Variants in PDE2A observed in about 807,000 individuals in gnomAD.
PDE2A encodes the protein phosphodiesterase 2A.
Under a neutral mutation model 133.6 loss-of-function variants are expected in PDE2A, and 53 were observed. The observed-to-expected ratio is 0.40, with a 90% CI of 0.32 to 0.50. PDE2A has a LOEUF of 0.50. Ranked by LOEUF, PDE2A falls within the 20% of genes least tolerant of loss-of-function variation. The probability of loss-of-function intolerance (pLI) is 0.73; values close to 1 mark genes in which losing one functional copy is unlikely to be tolerated. For missense variants in PDE2A, 796 were observed against 1,232.4 expected, an observed-to-expected ratio of 0.65 and a Z score of 5.30; for synonymous variants, 491 against 490.2, an observed-to-expected ratio of 1.00 and a Z score of -0.02.
intron 1 of PDE2A, among the ~76,000 whole-genome samples, chr11:72,665,458 T>A (rs767949563): frequency 5.9e-5 from 9 of 151,630 alleles, no homozygotes; most frequent in Non-Finnish European, 1.0e-4. Context: ...TCCCTTCAGT[T>A]CTCCAGGGAA....
In PDE2A at chr11:72,577,393, A is replaced by T. The variant is rs142967171; in HGVS notation, c.2817T>A (p.Asp939Glu). Reference protein sequence around the residue: ...RAPINGCCSLDAE With the variant: ...RAPINGCCSLEAE ...GTGTCCCTGGAGGGGATCACTCAGCATCAAGGCTGCAGCAGCCATTGATGG... is the reference window on the plus strand; with the variant it reads ...GTGTCCCTGGAGGGGATCACTCAGCTTCAAGGCTGCAGCAGCCATTGATGG... Residue 939 changes from aspartate (D) to glutamate (E), a missense_variant, in exon 31 of 31, where the codon GAT (aspartate) becomes GAA (glutamate). Asp to Glu is a conservative substitution (Grantham distance 45). Transcript: ENST00000334456. 2,322 of 1,612,562 alleles carry T rather than the reference A, an allele frequency of 1.4e-3. 53 individuals carry two copies. In the Admixed American group the frequency reaches 0.035, roughly 24 times the overall value.
At chr11:72,634,476 C>T (rs1858582358) in intron 2 of PDE2A, among the ~76,000 whole-genome samples, 1 of 152,198 alleles carries the variant, frequency 6.6e-6, no homozygotes, top group African/African-American at 2.4e-5. Context: ...ATTTCAGGCC[C>T]CGTTGTGCTG....
chr11:72,593,099 C>T (rs1161305936), intron 6 of PDE2A, among the ~76,000 whole-genome samples: 5 of 151,896 alleles, frequency 3.3e-5, no homozygotes. Flanking sequence ...AGCATGTGCA[C>T]AAACACACAC....
Position 72,578,184 on chromosome 11 carries a change from G to T in PDE2A, c.2615+49C>A. On this transcript the variant is annotated intron_variant, in intron 30 of 30. Transcript: ENST00000334456. The surrounding 1 kb of genome is among the most constrained non-coding windows in gnomAD (Gnocchi z 4.2). The stretch of plus-strand genomic sequence containing the variant: ...TGTTTCCTGTGATGTCCCCACTCCA[G>T]CCTACCCTCTCTGTGCAGGGTGCAG... 8.3e-7 allele frequency: 1 copy of T among 1,206,566 alleles called. No individual in the cohort carries two copies. Among genetic ancestry groups the T allele is most frequent in the Non-Finnish European group, 1.2e-6 (1 of 808,990 alleles). The allele number at this position is 1,206,566 out of a possible 1,614,324, so 74.7% of individuals were successfully genotyped here. A position where few individuals can be genotyped will look rare whatever the true frequency, so the allele number is the denominator to read the frequency against.
At chr11:72,613,696 CA>C (rs2135376444) in intron 2 of PDE2A, among the ~76,000 whole-genome samples, 1 of 152,248 alleles carries the variant, frequency 6.6e-6, no homozygotes, top group South Asian at 2.1e-4. Flanking sequence ...CACAAACCTC[CA>C]AATAGTCACC....
At chr11:72,651,085 C>T (rs1199339865) in intron 1 of PDE2A, among the ~76,000 whole-genome samples, 2 of 152,144 alleles carry the variant, frequency 1.3e-5, no homozygotes, top group Non-Finnish European at 2.9e-5. Flanking sequence ...CCAAGAACTC[C>T]CAGAGCTTCA....
In PDE2A at chr11:72,590,065, T is replaced by G. The variant is rs1231361491; in HGVS notation, c.757-84A>C. The G allele has an allele frequency of 2.8e-6, 4 of 1,418,332 alleles. No homozygotes were observed. Among genetic ancestry groups the G allele is most frequent in the Non-Finnish European group, 2.9e-6 (3 of 1,029,882 alleles). The allele number at this position is 1,418,332 out of a possible 1,614,324, so 87.9% of individuals were successfully genotyped here. ...CACCTGCTCCCCTCTCCGGGGCTCT[T>G]CAGGCGGGTGGAGGAGAGAGGAAGG... On this transcript the variant is annotated intron_variant, in intron 9 of 30. Transcript: ENST00000334456. The surrounding 1 kb of genome is among the most constrained non-coding windows in gnomAD (Gnocchi z 4.8).
chr11:72,608,750 T>C lies in PDE2A; in HGVS notation c.146A>G (p.Asp49Gly), dbSNP rs780190429. ...PPQPCADSLQ[D>G]ALLSLGSVID... ...GACAGAGCCCAGACTCAGCAAGGCG[T>C]CCTGGAAGAGAGGAGAGGGCAGTGA... The change falls in exon 3 of 31, where the codon GAC (aspartate) becomes GGC (glycine). Residue 49 changes from aspartate (D) to glycine (G), a missense_variant and splice_region_variant. Coordinates refer to ENST00000334456, the MANE Select transcript of PDE2A (RefSeq NM_002599.5). 11 of 1,545,362 alleles carry C rather than the reference T, an allele frequency of 7.1e-6. No individual in the cohort carries two copies.
chr11:72,604,650 G>C (rs1856895755), intron 4 of PDE2A, among the ~76,000 whole-genome samples: 1 of 152,180 alleles, frequency 6.6e-6, no homozygotes, highest in Middle Eastern at 3.2e-3. Context: ...TAGTAAACAG[G>C]GAGCTGAGAT....
intron 4 of PDE2A, among the ~76,000 whole-genome samples, chr11:72,604,611 G>A (rs769198418): frequency 3.9e-5 from 6 of 152,200 alleles, no homozygotes; most frequent in African/African-American, 1.4e-4. Flanking sequence ...GCACAGAGAG[G>A]TTGTGTCATT....
At chr11:72,609,947 T>C (rs1275437667) in intron 2 of PDE2A, among the ~76,000 whole-genome samples, 1 of 151,788 alleles carries the variant, frequency 6.6e-6, no homozygotes, top group African/African-American at 2.4e-5. Context: ...GCCATATTAA[T>C]AGAGGTCTGT....
At chr11:72,664,520 C>CT (rs1855176222) in intron 1 of PDE2A, among the ~76,000 whole-genome samples, 1 of 146,456 alleles carries the variant, frequency 6.8e-6, no homozygotes, top group Admixed American at 6.8e-5. Flanking sequence ...ACTACAGGCG[C>CT]CCCCCACCAC....
intron 1 of PDE2A, among the ~76,000 whole-genome samples, chr11:72,659,869 C>G (rs1222893420): frequency 6.6e-6 from 1 of 152,216 alleles, no homozygotes; most frequent in South Asian, 2.1e-4. Context: ...CCAACCCTCA[C>G]ATCCAAGGCT....
chr11:72,591,425 C>G, intron 6 of PDE2A, 69 bp from the exon 7 acceptor site: 1 of 1,173,868 alleles, frequency 8.5e-7, no homozygotes, highest in Non-Finnish European at 1.3e-6. Context: ...AGTGCCCTCC[C>G]CATGCGCAGC....
chr11:72,635,589 A>G (rs912625352), intron 2 of PDE2A, among the ~76,000 whole-genome samples: 1 of 152,228 alleles, frequency 6.6e-6, no homozygotes, highest in Non-Finnish European at 1.5e-5. Context: ...GAATTGTCCC[A>G]GTTAGAACCC....
intron 27 of PDE2A, 29 bp from the exon 28 acceptor site, chr11:72,579,038 C>G (rs188742021): frequency 6.7e-7 from 1 of 1,492,316 alleles, no homozygotes; most frequent in East Asian, 2.3e-5. Context: ...GGTCAAGGAG[C>G]GGGGCCCAGC....
intron 2 of PDE2A, among the ~76,000 whole-genome samples, chr11:72,628,709 C>T (rs1239949316): frequency 2.0e-5 from 3 of 152,226 alleles, no homozygotes; most frequent in Non-Finnish European, 4.4e-5. Context: ...AGGCCACACA[C>T]CTAGGAAGCA....
At chr11:72,594,833 C>T (rs1428090777) in intron 6 of PDE2A, among the ~76,000 whole-genome samples, 4 of 152,210 alleles carry the variant, frequency 2.6e-5, no homozygotes, top group African/African-American at 9.7e-5. Flanking sequence ...GTACCACTTG[C>T]TGCTCCAGGC....
chr11:72,617,308 G>A (rs1280707378), intron 2 of PDE2A, among the ~76,000 whole-genome samples: 1 of 152,204 alleles, frequency 6.6e-6, no homozygotes, highest in Non-Finnish European at 1.5e-5. Context: ...CTGGGGTAGG[G>A]CTGGTGGGGT....
Sources: allele counts gnomAD v4.1 joint callset (sites outside exome capture counted in the v4.1 genomes callset), GRCh38; gene constraint gnomAD v4.1.1; non-coding constraint Gnocchi (gnomAD v3.1); transcripts MANE v1.5; gene names NCBI Gene and HGNC (gene_info 2026-07-23, HGNC 2026-07-21).